Variants in SEMA3C observed in about 807,000 individuals in gnomAD.
SEMA3C encodes semaphorin-3C.
SEMA3C carries 47 observed loss-of-function variants against 89.4 expected under a neutral mutation model. The ratio of observed to expected loss-of-function variants is 0.53; its 90% confidence interval spans 0.42 to 0.67. The LOEUF (loss-of-function observed/expected upper bound fraction) is 0.67. Among genes scored for constraint, SEMA3C ranks in the 30% least tolerant of loss-of-function variants. SEMA3C has a pLI of 0.00. For missense variants in SEMA3C, 839 were observed against 929.1 expected, an observed-to-expected ratio of 0.90 and a Z score of 1.26; for synonymous variants, 310 against 320.2, an observed-to-expected ratio of 0.97 and a Z score of 0.34.
At chr7:80,817,530 G>A (rs1004964634) in intron 5 of SEMA3C, among the ~76,000 whole-genome samples, 2 of 152,080 alleles carry the variant, frequency 1.3e-5, no homozygotes, top group Admixed American at 1.3e-4. Flanking sequence ...TTGGTGTAAT[G>A]TACTTTCCTT....
intron 2 of SEMA3C, among the ~76,000 whole-genome samples, chr7:80,844,650 G>A (rs1276292244): frequency 6.6e-6 from 1 of 152,042 alleles, no homozygotes; most frequent in Non-Finnish European, 1.5e-5. Context: ...CATATTTAAG[G>A]AATAATAATA....
intron 2 of SEMA3C, among the ~76,000 whole-genome samples, chr7:80,865,348 T>C (rs114900719): frequency 0.031 from 4,708 of 152,280 alleles, 162 homozygotes; most frequent in Middle Eastern, 0.095. Flanking sequence ...TGTAGCCATA[T>C]CCTCCATGAC....
intron 2 of SEMA3C, among the ~76,000 whole-genome samples, chr7:80,855,743 G>A (rs1379912378): frequency 6.6e-6 from 1 of 152,024 alleles, no homozygotes; most frequent in Non-Finnish European, 1.5e-5. Flanking sequence ...AAAACACAAG[G>A]CAACTAGTAG....
rs777843365 is a variant in SEMA3C, at chr7:80,745,108, C to A, written c.2042G>T (p.Ser681Ile). ...TDKWSPWTWA[S>I]SVRALPFHPK... is the part of the protein sequence containing the mutation. The stretch of plus-strand genomic sequence containing the variant: ...GTGGAAGGGTAAAGCCCTCACAGAG[C>A]TGGCCCAGGTCCATGGGGACCATTT... Residue 681 changes from serine (S) to isoleucine (I), a missense_variant, in exon 18 of 18, where the codon AGC (serine) becomes ATC (isoleucine). Ser to Ile is a moderately radical substitution (Grantham distance 142). Transcript: ENST00000265361. 2 of 1,614,038 alleles carry A rather than the reference C, an allele frequency of 1.2e-6. No individual in the cohort carries two copies. The highest frequency in any genetic ancestry group is 1.1e-5 in the South Asian group (1 of 91,086).
At chr7:80,809,167 C>T (rs1789409452) in intron 6 of SEMA3C, among the ~76,000 whole-genome samples, 1 of 152,104 alleles carries the variant, frequency 6.6e-6, no homozygotes, top group Admixed American at 6.5e-5. Context: ...TAAAAATCGT[C>T]TTGTCAATGT....
intron 2 of SEMA3C, among the ~76,000 whole-genome samples, chr7:80,877,819 G>T (rs1363146626): frequency 6.6e-6 from 1 of 151,966 alleles, no homozygotes; most frequent in East Asian, 1.9e-4. Flanking sequence ...TGAAATGGAA[G>T]AGATAATTTC....
At chr7:80,755,985 C>T (rs558679359) in intron 15 of SEMA3C, among the ~76,000 whole-genome samples, 6 of 152,190 alleles carry the variant, frequency 3.9e-5, no homozygotes, top group African/African-American at 9.6e-5. Flanking sequence ...AACGCATCTA[C>T]GAGACTCCTG....
At chr7:80,895,663 T>C (rs1791716648) in intron 2 of SEMA3C, among the ~76,000 whole-genome samples, 1 of 152,002 alleles carries the variant, frequency 6.6e-6, no homozygotes. Context: ...CATAAAAGGG[T>C]CTCAGGAATA....
At chr7:80,757,952 C>T (rs975507475) in intron 15 of SEMA3C, among the ~76,000 whole-genome samples, 1 of 151,688 alleles carries the variant, frequency 6.6e-6, no homozygotes, top group South Asian at 2.1e-4. Context: ...GGTGACAGAG[C>T]GAGACTTCAT....
At chr7:80,920,673 A>G (rs896248443), upstream of SEMA3C, among the ~76,000 whole-genome samples, 5 of 152,250 alleles carry the variant, frequency 3.3e-5, no homozygotes, top group African/African-American at 1.2e-4. Flanking sequence ...TCAAAAAATT[A>G]ATATAGTAAC....
intron 13 of SEMA3C, among the ~76,000 whole-genome samples, chr7:80,764,942 T>TCAAG (rs1788263192): frequency 6.6e-6 from 1 of 152,200 alleles, no homozygotes. Flanking sequence ...AAAGAATCCT[T>TCAAG]TTATCTTAAG....
chr7:80,912,656 C>T (rs540472061), intron 2 of SEMA3C, among the ~76,000 whole-genome samples: 2 of 152,222 alleles, frequency 1.3e-5, no homozygotes, highest in South Asian at 2.1e-4. Context: ...TTAATTGAAA[C>T]CATCATAAGG....
At chr7:80,885,072 A>G (rs909070822) in intron 2 of SEMA3C, among the ~76,000 whole-genome samples, 1 of 152,182 alleles carries the variant, frequency 6.6e-6, no homozygotes, top group East Asian at 1.9e-4. Context: ...TCGTTTTGTG[A>G]TGACATTTCT....
chr7:80,756,149 C>T (rs148510046), intron 15 of SEMA3C, among the ~76,000 whole-genome samples: 116 of 152,298 alleles, frequency 7.6e-4, no homozygotes, highest in African/African-American at 2.4e-3. Flanking sequence ...ATGTAACATC[C>T]TCTTTTTCCT....
intron 12 of SEMA3C, among the ~76,000 whole-genome samples, chr7:80,788,722 A>T (rs1162289123): frequency 6.6e-6 from 1 of 152,208 alleles, no homozygotes; most frequent in East Asian, 1.9e-4. Flanking sequence ...TCTATATTTG[A>T]GTCACATTCA....
intron 9 of SEMA3C, 55 bp from the exon 10 acceptor site, chr7:80,800,881 GA>G: frequency 8.5e-7 from 1 of 1,181,966 alleles, no homozygotes; most frequent in Non-Finnish European, 1.2e-6. Flanking sequence ...TCTTTGTTTT[GA>G]AAAATTTACC....
rs993610326 is a variant in SEMA3C at position 80,742,555 on chromosome 7, T to A, written c.*2339A>T. The A allele has an allele frequency of 6.6e-6, 1 of 152,022 alleles. No homozygotes were observed. The highest frequency in any genetic ancestry group is 2.4e-5 in the African/African-American group (1 of 41,448). 9.4% of individuals were successfully genotyped at this position (152,022 alleles called of 1,614,324 possible). On this transcript the variant is annotated 3_prime_UTR_variant, in exon 18 of 18. Coordinates refer to ENST00000265361, the MANE Select transcript of SEMA3C (RefSeq NM_006379.5). Reference sequence around the variant, plus strand: ...AACATAACTGGGGAATTCAACATGTTTTATTTTGCCAGGCCAATGATTTCA... The same window carrying A: ...AACATAACTGGGGAATTCAACATGTATTATTTTGCCAGGCCAATGATTTCA...
At chr7:80,760,833 T>C (rs1157183666) in intron 14 of SEMA3C, among the ~76,000 whole-genome samples, 1 of 152,208 alleles carries the variant, frequency 6.6e-6, no homozygotes, top group Non-Finnish European at 1.5e-5. Context: ...CATGATTTGT[T>C]TGTACATTAT....
chr7:80,915,277 T>C (rs1217612836), intron 2 of SEMA3C, among the ~76,000 whole-genome samples: 1 of 152,150 alleles, frequency 6.6e-6, no homozygotes, highest in Non-Finnish European at 1.5e-5. Context: ...TCTTCACAAC[T>C]TAACTGCATA....
Sources: gnomAD v4.1 joint callset for allele counts (sites outside exome capture counted in the v4.1 genomes callset) on GRCh38, gnomAD v4.1.1 for gene constraint, MANE v1.5 for transcripts, NCBI Gene and HGNC (gene_info 2026-07-23, HGNC 2026-07-21) for gene names.